The following ELF5 variants were observed in gnomAD, a reference collection of about 807,000 sequenced individuals.
The protein encoded by ELF5 is E74 like ETS transcription factor 5, also known as ETS-related transcription factor Elf-5.
ELF5 carries 31 observed loss-of-function variants against 38.2 expected under a neutral mutation model. The ratio of observed to expected loss-of-function variants is 0.81; its 90% CI spans 0.61 to 1.10. The LOEUF (loss-of-function observed/expected upper bound fraction) is 1.10, where lower values mean the gene tolerates loss of function less well. ELF5 is among the 50% of genes least tolerant of loss of function. The pLI is 0.00. For missense variants in ELF5, 300 were observed against 306.6 expected (o/e 0.98, Z 0.16); for synonymous variants, 121 against 112.5 (o/e 1.08, Z -0.48).
At chr11:34,505,833 C>A in intron 1 of ELF5, 80 bp from the exon 2 acceptor site, 1 of 1,480,974 alleles carries the variant, frequency 6.8e-7, no homozygotes, top group Non-Finnish European at 9.0e-7. Flanking sequence ...CCTAGCAGGG[C>A]GATACTTGTT....
At chr11:34,480,720 A>AT (rs1422963951) in intron 6 of ELF5, 52 bp downstream of exon 6, 65 of 1,559,632 alleles carry the variant, frequency 4.2e-5, no homozygotes, top group Non-Finnish European at 4.8e-5. Flanking sequence ...ACAGCCAGCC[A>AT]TTGTATATAA....
At chr11:34,511,794 T>C in intron 1 of ELF5, 1 of 567,214 alleles carries the variant, frequency 1.8e-6, no homozygotes, top group Non-Finnish European at 3.1e-6. Flanking sequence ...AGCAAACCAC[T>C]CAGCCTTGGC....
intron 2 of ELF5, among the ~76,000 whole-genome samples, chr11:34,498,517 T>C (rs377738270): frequency 1.3e-5 from 2 of 152,284 alleles, no homozygotes; most frequent in South Asian, 4.1e-4. Flanking sequence ...AATGCTGCCA[T>C]CTTTGGTTTA....
chr11:34,493,414 T>C (rs1455567040), intron 3 of ELF5, 65 bp downstream of exon 3: 1 of 1,476,624 alleles, frequency 6.8e-7, no homozygotes, highest in Non-Finnish European at 9.3e-7. Context: ...GGGAAAGGAC[T>C]TCTCAAAGTT....
intron 2 of ELF5, among the ~76,000 whole-genome samples, chr11:34,502,057 A>C (rs1471899001): frequency 6.6e-6 from 1 of 152,028 alleles, no homozygotes; most frequent in African/African-American, 2.4e-5. Context: ...CTGTTTTTCC[A>C]CCCAACAGGG....
chr11:34,512,567 C>T (rs1850787903), intron 1 of ELF5, among the ~76,000 whole-genome samples: 1 of 137,046 alleles, frequency 7.3e-6, no homozygotes, highest in Non-Finnish European at 1.6e-5. Flanking sequence ...ACGGTTTCCT[C>T]ATCTCTAAAA....
intron 1 of ELF5, among the ~76,000 whole-genome samples, chr11:34,513,076 A>T (rs1850803259): frequency 6.6e-6 from 1 of 152,208 alleles, no homozygotes; most frequent in Admixed American, 6.5e-5. Flanking sequence ...CACACTGCAG[A>T]GTCTGACAAG....
At chr11:34,509,283 G>C (rs999323583) in intron 1 of ELF5, among the ~76,000 whole-genome samples, 3 of 152,094 alleles carry the variant, frequency 2.0e-5, no homozygotes, top group African/African-American at 7.2e-5. Context: ...AGCTGAGATC[G>C]TGCCACTGCA....
chr11:34,483,147 G>A (rs1249232881), intron 4 of ELF5, among the ~76,000 whole-genome samples: 2 of 151,760 alleles, frequency 1.3e-5, no homozygotes, highest in Non-Finnish European at 1.5e-5. Context: ...CAGGGACTTC[G>A]CAGTTGCTCT....
At chr11:34,511,424 C>T (rs1054985437) in intron 1 of ELF5, 14 of 1,358,934 alleles carry the variant, frequency 1.0e-5, no homozygotes, top group Admixed American at 1.8e-5. Flanking sequence ...GAATCAGTTT[C>T]CCCCAAATGT....
chr11:34,511,571 G>C lies in ELF5; in HGVS notation c.-5+2106C>G, dbSNP rs745478618. 37 of 1,614,096 alleles carry C rather than the reference G, an allele frequency of 2.3e-5. No homozygotes were observed. The Admixed American group carries it at 6.0e-4, about 26-fold the overall frequency. ...GTGGGAGTGAGGCAGAGATGGCATG[G>C]AAGCTGAGGTCCCCAGATGCCTCCA... On this transcript the variant is annotated intron_variant, in intron 1 of 6. Transcript: ENST00000257832.
At chr11:34,488,219 C>G (rs1431679372) in intron 4 of ELF5, among the ~76,000 whole-genome samples, 1 of 152,116 alleles carries the variant, frequency 6.6e-6, no homozygotes, top group Admixed American at 6.6e-5. Context: ...TCAATGAGAG[C>G]AAGACTCAAA....
At chr11:34,507,138 G>A (rs774785403) in intron 1 of ELF5, among the ~76,000 whole-genome samples, 2 of 152,178 alleles carry the variant, frequency 1.3e-5, no homozygotes, top group African/African-American at 2.4e-5. Flanking sequence ...CCTAAACCCT[G>A]AGGGGTAATC....
intron 3 of ELF5, among the ~76,000 whole-genome samples, chr11:34,490,323 G>A (rs1318444526): frequency 6.6e-6 from 1 of 152,196 alleles, no homozygotes; most frequent in Non-Finnish European, 1.5e-5. Context: ...GATTTTCTGA[G>A]CAGGCACTGG....
At chr11:34,496,239 G>A (rs543926745) in intron 2 of ELF5, among the ~76,000 whole-genome samples, 264 of 152,354 alleles carry the variant, frequency 1.7e-3, no homozygotes, top group Admixed American at 3.5e-3. Context: ...CTGCTTTGAA[G>A]CTCACCCACA....
At chr11:34,487,946 A>C (rs1027765390) in intron 4 of ELF5, among the ~76,000 whole-genome samples, 1 of 152,144 alleles carries the variant, frequency 6.6e-6, no homozygotes, top group Non-Finnish European at 1.5e-5. Context: ...TCTCTAAGAC[A>C]CCAAGATTGT....
intron 2 of ELF5, among the ~76,000 whole-genome samples, chr11:34,493,988 T>C (rs1850250961): frequency 6.6e-6 from 1 of 152,144 alleles, no homozygotes; most frequent in Admixed American, 6.5e-5. Context: ...AAAAGGCATT[T>C]AGTGGAGAAA....
chr11:34,484,382 C>T (rs1243219429), intron 4 of ELF5, among the ~76,000 whole-genome samples: 1 of 151,704 alleles, frequency 6.6e-6, no homozygotes, highest in Non-Finnish European at 1.5e-5. Flanking sequence ...CTATACTCTA[C>T]TGTACTATAC....
intron 4 of ELF5, among the ~76,000 whole-genome samples, chr11:34,486,458 A>G (rs1849998973): frequency 6.6e-6 from 1 of 152,116 alleles, no homozygotes; most frequent in Non-Finnish European, 1.5e-5. Context: ...TGTTGTTTGA[A>G]TTATTGTCAA....
Sources: allele counts gnomAD v4.1 joint callset (sites outside exome capture counted in the v4.1 genomes callset), GRCh38; gene constraint gnomAD v4.1.1; transcripts MANE v1.5; gene names NCBI Gene and HGNC (gene_info 2026-07-23, HGNC 2026-07-21).